GHR: variants seen among roughly 807,000 people sequenced by gnomAD.
GHR encodes growth hormone receptor.
A neutral mutation model predicts 67.1 loss-of-function variants in GHR; 35 were observed. The observed-to-expected ratio is 0.52, with a 90% CI of 0.40 to 0.69. The LOEUF (loss-of-function observed/expected upper bound fraction) is 0.69. Ranked by LOEUF, GHR falls within the 30% of genes least tolerant of loss-of-function variation. GHR has a pLI of 0.00. For missense variants in GHR, 792 were observed against 764.6 expected (o/e 1.04, Z -0.42); for synonymous variants, 272 against 269.1 (o/e 1.01, Z -0.10).
At chr5:42,564,708 A>G (rs941857059) in intron 1 of GHR, among the ~76,000 whole-genome samples, 6 of 152,194 alleles carry the variant, frequency 3.9e-5, no homozygotes, top group Non-Finnish European at 5.9e-5. Flanking sequence ...AGGCCCATGG[A>G]AAAAAACATC....
chr5:42,658,771 C>T (rs1233581143), intron 3 of GHR, among the ~76,000 whole-genome samples: 3 of 152,058 alleles, frequency 2.0e-5, no homozygotes, highest in Non-Finnish European at 4.4e-5. Flanking sequence ...CTCTAATGCA[C>T]AGGACAGCAT....
intron 1 of GHR, among the ~76,000 whole-genome samples, chr5:42,531,277 A>AAT (rs397997557): frequency 6.6e-6 from 1 of 151,470 alleles, no homozygotes; most frequent in Non-Finnish European, 1.5e-5. Flanking sequence ...CAAAAAAAAA[A>AAT]CCAAAAAGTA....
chr5:42,593,683 A>C (rs1007624052), intron 2 of GHR, among the ~76,000 whole-genome samples: 100 of 152,318 alleles, frequency 6.6e-4, no homozygotes, highest in African/African-American at 2.3e-3. Context: ...GAGAGATCAT[A>C]CACATTTTTC....
intron 1 of GHR, among the ~76,000 whole-genome samples, chr5:42,446,831 G>A (rs1421167788): frequency 4.6e-5 from 7 of 152,156 alleles, no homozygotes; most frequent in Admixed American, 4.6e-4. Context: ...TGTGTGAAGA[G>A]AATACTTAAA....
At chr5:42,531,586 G>A (rs1282723321) in intron 1 of GHR, among the ~76,000 whole-genome samples, 1 of 152,046 alleles carries the variant, frequency 6.6e-6, no homozygotes, top group African/African-American at 2.4e-5. Context: ...GCAATCCACA[G>A]ATTTTTGAAG....
At chr5:42,694,880 T>A (rs1757594506) in intron 4 of GHR, 37 bp from the exon 5 acceptor site, 4 of 1,493,318 alleles carry the variant, frequency 2.7e-6, no homozygotes, top group Non-Finnish European at 3.7e-6. Context: ...AACATGATTT[T>A]TGGAACAATT....
chr5:42,493,692 A>G (rs1249189228), intron 1 of GHR, among the ~76,000 whole-genome samples: 2 of 152,242 alleles, frequency 1.3e-5, no homozygotes, highest in South Asian at 2.1e-4. Context: ...CAACTTTTGT[A>G]TACATATGCC....
At chr5:42,456,694 G>C (rs773772699) in intron 1 of GHR, among the ~76,000 whole-genome samples, 7 of 152,146 alleles carry the variant, frequency 4.6e-5, no homozygotes, top group Admixed American at 3.9e-4. Flanking sequence ...TAAACTAGAT[G>C]GTCTTTAAAA....
chr5:42,565,786 C>G (rs1749889201), intron 1 of GHR, 78 bp from the exon 2 acceptor site: 1 of 1,611,394 alleles, frequency 6.2e-7, no homozygotes, highest in African/African-American at 1.3e-5. Context: ...CATGTCTTAC[C>G]CAGTCTTTAA....
At chr5:42,625,494 G>A (rs1753655659) in intron 2 of GHR, among the ~76,000 whole-genome samples, 1 of 152,050 alleles carries the variant, frequency 6.6e-6, no homozygotes, top group Non-Finnish European at 1.5e-5. Context: ...GAGTGAACAT[G>A]GCCTGTGACA....
intron 3 of GHR, among the ~76,000 whole-genome samples, chr5:42,663,344 A>G (rs1755759868): frequency 6.6e-6 from 1 of 152,262 alleles, no homozygotes; most frequent in South Asian, 2.1e-4. Context: ...AAAAATCCTC[A>G]GTAAAATACT....
At chr5:42,490,659 G>A (rs1402101351) in intron 1 of GHR, among the ~76,000 whole-genome samples, 1 of 152,220 alleles carries the variant, frequency 6.6e-6, no homozygotes, top group Non-Finnish European at 1.5e-5. Flanking sequence ...TTTTTTAAAA[G>A]AAATAAAGAT....
chr5:42,600,777 T>G (rs915208675), intron 2 of GHR, among the ~76,000 whole-genome samples: 1 of 152,276 alleles, frequency 6.6e-6, no homozygotes, highest in Admixed American at 6.5e-5. Context: ...AGAGAGGAGT[T>G]TAATGTCATG....
At chr5:42,659,433 T>G (rs933014338) in intron 3 of GHR, 1 of 152,188 alleles carries the variant, frequency 6.6e-6, no homozygotes, top group Non-Finnish European at 1.5e-5. Flanking sequence ...AGGTCAAGTT[T>G]CCCACTGAGG....
At chr5:42,588,525 T>TCAAAAAAAAA (rs1751604912) in intron 2 of GHR, among the ~76,000 whole-genome samples, 1 of 10,200 alleles carries the variant, frequency 9.8e-5, no homozygotes, top group Non-Finnish European at 2.2e-4. Flanking sequence ...AAACTCCATC[T>TCAAAAAAAAA]CAAAAAAAAA....
chr5:42,657,365 A>G (rs1252571891), intron 3 of GHR, among the ~76,000 whole-genome samples: 2 of 152,150 alleles, frequency 1.3e-5, no homozygotes, highest in Non-Finnish European at 2.9e-5. Context: ...TTTCTCTGCC[A>G]AAGTAGTGTT....
intron 2 of GHR, among the ~76,000 whole-genome samples, chr5:42,611,568 G>A (rs1225283207): frequency 6.6e-6 from 1 of 152,142 alleles, no homozygotes. Flanking sequence ...CATGGTTTCT[G>A]TCTTCTTAGA....
chr5:42,468,555 CTTCT>C (rs1270466609), intron 1 of GHR: 5 of 874,514 alleles, frequency 5.7e-6, no homozygotes, highest in Middle Eastern at 3.6e-4. Flanking sequence ...ACCCTTATTC[CTTCT>C]TTCTTAAGCA....
At chr5:42,550,273 T>A (rs1218527223) in intron 1 of GHR, among the ~76,000 whole-genome samples, 1 of 152,126 alleles carries the variant, frequency 6.6e-6, no homozygotes, top group Non-Finnish European at 1.5e-5. Flanking sequence ...GACACATTAC[T>A]TCACCTCTCT....
Sources: allele counts gnomAD v4.1 joint callset (sites outside exome capture counted in the v4.1 genomes callset), GRCh38; gene constraint gnomAD v4.1.1; transcripts MANE v1.5; gene names NCBI Gene and HGNC (gene_info 2026-07-23, HGNC 2026-07-21).